LRP1B: variants seen among roughly 807,000 people sequenced by gnomAD.
LRP1B encodes the protein LDL receptor related protein 1B.
Under a neutral mutation model 556.6 loss-of-function variants are expected in LRP1B, and 217 were observed. The ratio of observed to expected loss-of-function variants is 0.39; its 90% CI spans 0.35 to 0.44. The LOEUF is 0.44. Ranked by LOEUF, LRP1B falls within the 20% of genes least tolerant of loss-of-function variation. The pLI, the probability that LRP1B is intolerant of heterozygous loss-of-function variation, is 1.00. For synonymous variants in LRP1B, 2,047 were observed against 1,865.8 expected (o/e 1.10, Z -2.50); for missense variants, 5,053 against 5,620.8 (o/e 0.90, Z 3.23).
intron 2 of LRP1B, among the ~76,000 whole-genome samples, chr2:141,636,748 T>C (rs355603): frequency 0.034 from 5,166 of 151,014 alleles, 310 homozygotes; most frequent in African/African-American, 0.12. Flanking sequence ...TTGAGAATGT[T>C]AAAAAGGAAA....
chr2:140,440,575 A>G, intron 66 of LRP1B, among the ~76,000 whole-genome samples: 1 of 152,198 alleles, frequency 6.6e-6, no homozygotes, highest in Middle Eastern at 3.2e-3. Context: ...ATTGAGGACA[A>G]AAGAGAAGGG....
At chr2:140,804,649 ATTTTTTTTTTTTTTT>A (rs869167644) in intron 32 of LRP1B, among the ~76,000 whole-genome samples, 3 of 57,936 alleles carry the variant, frequency 5.2e-5, no homozygotes, top group Non-Finnish European at 1.0e-4. Context: ...GTAAAAACTA[ATTTTTTTTTTTTTTT>A]TTTTTTTTTT....
chr2:140,514,399 A>C (rs1036388216), intron 51 of LRP1B, among the ~76,000 whole-genome samples: 6 of 152,072 alleles, frequency 3.9e-5, no homozygotes, highest in African/African-American at 1.4e-4. Flanking sequence ...ATTCACCGAA[A>C]GCTAGAAATA....
At chr2:141,070,312 CA>C (rs1467163516) in intron 7 of LRP1B, among the ~76,000 whole-genome samples, 1 of 149,796 alleles carries the variant, frequency 6.7e-6, no homozygotes, top group Non-Finnish European at 1.5e-5. Flanking sequence ...CCAACGAGAA[CA>C]AAGACACAAC....
At chr2:140,269,032 TAGAC>T (rs1444337022) in intron 86 of LRP1B, among the ~76,000 whole-genome samples, 10 of 152,184 alleles carry the variant, frequency 6.6e-5, no homozygotes, top group South Asian at 6.2e-4. Flanking sequence ...GTATTTTTAT[TAGAC>T]AGTTCCACAA....
At chr2:141,860,570 A>C (rs1224307778) in intron 1 of LRP1B, among the ~76,000 whole-genome samples, 15 of 152,150 alleles carry the variant, frequency 9.9e-5, no homozygotes, top group Admixed American at 8.5e-4. Flanking sequence ...TCATCATGCT[A>C]TGTAATTCAC....
At chr2:141,482,109 T>A (rs1379602667) in intron 2 of LRP1B, among the ~76,000 whole-genome samples, 1 of 152,046 alleles carries the variant, frequency 6.6e-6, no homozygotes. Flanking sequence ...ATTGCAGAAG[T>A]TTGCAATGTG....
At chr2:140,727,617 G>A (rs1300909622) in intron 35 of LRP1B, among the ~76,000 whole-genome samples, 2 of 152,138 alleles carry the variant, frequency 1.3e-5, no homozygotes, top group Non-Finnish European at 2.9e-5. Flanking sequence ...TCAGGTAAAG[G>A]ACCAATTTAC....
At chr2:141,148,394 C>A (rs947069982) in intron 7 of LRP1B, among the ~76,000 whole-genome samples, 2 of 152,062 alleles carry the variant, frequency 1.3e-5, no homozygotes, top group African/African-American at 4.8e-5. Context: ...CCAAAGAATC[C>A]TGGGGAATTA....
At chr2:141,534,962 C>G (rs1157355683) in intron 2 of LRP1B, among the ~76,000 whole-genome samples, 1 of 152,076 alleles carries the variant, frequency 6.6e-6, no homozygotes, top group South Asian at 2.1e-4. Flanking sequence ...CCAACACTTT[C>G]TTTTTGTTTC....
intron 3 of LRP1B, among the ~76,000 whole-genome samples, chr2:141,424,199 T>C (rs972186656): frequency 2.0e-5 from 3 of 151,342 alleles, no homozygotes; most frequent in African/African-American, 7.3e-5. Context: ...CCTCAACCTC[T>C]GCCTCTTGGG....
At chr2:140,747,600 GTA>G (rs1688360819) in intron 35 of LRP1B, among the ~76,000 whole-genome samples, 1 of 152,140 alleles carries the variant, frequency 6.6e-6, no homozygotes, top group Admixed American at 6.6e-5. Flanking sequence ...AAAACATGTG[GTA>G]TGGGAGTTAT....
chr2:141,006,701 T>C (rs1014832242), intron 14 of LRP1B, among the ~76,000 whole-genome samples: 1 of 151,990 alleles, frequency 6.6e-6, no homozygotes, highest in African/African-American at 2.4e-5. Context: ...AGTGACCACT[T>C]TTCAAACACA....
At chr2:141,455,499 C>T (rs752012627) in intron 3 of LRP1B, among the ~76,000 whole-genome samples, 6 of 142,648 alleles carry the variant, frequency 4.2e-5, no homozygotes, top group East Asian at 2.1e-4. Context: ...TTCATAATGA[C>T]GTTCATTTTT....
At chr2:141,856,291 T>G (rs1992000) in intron 1 of LRP1B, among the ~76,000 whole-genome samples, 55,366 of 151,976 alleles carry the variant, frequency 0.36, 10,403 homozygotes, top group Middle Eastern at 0.47. Flanking sequence ...CTTTATTCTA[T>G]CAATTCTATA....
chr2:141,825,290 C>T (rs1433575878), intron 1 of LRP1B, among the ~76,000 whole-genome samples: 1 of 152,088 alleles, frequency 6.6e-6, no homozygotes, highest in Non-Finnish European at 1.5e-5. Flanking sequence ...GAAGGTGTAG[C>T]ACAGATAAAA....
chr2:141,434,032 C>A (rs368712095), intron 3 of LRP1B, among the ~76,000 whole-genome samples: 1 of 151,502 alleles, frequency 6.6e-6, no homozygotes, highest in Non-Finnish European at 1.5e-5. Flanking sequence ...GATTTTCTAT[C>A]TTTGGCTTTC....
intron 35 of LRP1B, among the ~76,000 whole-genome samples, chr2:140,744,000 T>TAAAAAAAAAAAAA (rs1559090792): frequency 2.2e-5 from 1 of 46,144 alleles, no homozygotes; most frequent in Non-Finnish European, 4.6e-5. Flanking sequence ...AAGTAAAAAG[T>TAAAAAAAAAAAAA]AAAATCCATA....
At chr2:140,503,280 A>G (rs1444004403) in intron 53 of LRP1B, among the ~76,000 whole-genome samples, 177 bp from the exon 54 acceptor site, 1 of 152,122 alleles carries the variant, frequency 6.6e-6, no homozygotes, top group Non-Finnish European at 1.5e-5. Context: ...GTGGTTTGGA[A>G]GTAGGAATAT....
Sources: gnomAD v4.1 joint callset for allele counts (sites outside exome capture counted in the v4.1 genomes callset) on GRCh38, gnomAD v4.1.1 for gene constraint, MANE v1.5 for transcripts, NCBI Gene and HGNC (gene_info 2026-07-23, HGNC 2026-07-21) for gene names.